The following TRPC1 variants were observed in gnomAD, a reference collection of about 807,000 sequenced individuals.
TRPC1 encodes the protein transient receptor potential cation channel subfamily C member 1, also known as short transient receptor potential channel 1.
A neutral mutation model predicts 88.2 loss-of-function variants in TRPC1; 42 were observed. The ratio of observed to expected loss-of-function variants is 0.48; its 90% CI spans 0.37 to 0.62. The LOEUF (loss-of-function observed/expected upper bound fraction) is 0.62, where lower values mean the gene tolerates loss of function less well. Among genes scored for constraint, TRPC1 ranks in the 20% least tolerant of loss-of-function variants. The pLI, the probability that TRPC1 is intolerant of heterozygous loss-of-function variation, is 0.00. For synonymous variants in TRPC1, 288 were observed against 331.8 expected, an observed-to-expected ratio of 0.87 and a Z score of 1.43; for missense variants, 699 against 957.3, an observed-to-expected ratio of 0.73 and a Z score of 3.56.
At chr3:142,790,542 T>TA (rs1936262694) in intron 7 of TRPC1, among the ~76,000 whole-genome samples, 1 of 152,198 alleles carries the variant, frequency 6.6e-6, no homozygotes, top group South Asian at 2.1e-4. Context: ...ATGTAGATGA[T>TA]ATTTAAAGCC....
intron 11 of TRPC1, 75 bp downstream of exon 11, chr3:142,804,253 AG>A (rs1936712744): frequency 2.4e-6 from 3 of 1,250,008 alleles, no homozygotes; most frequent in Non-Finnish European, 3.3e-6. Context: ...AGATAGCCAA[AG>A]ATTATAAGAT....
At chr3:142,758,117 C>G (rs1273335913) in intron 4 of TRPC1, among the ~76,000 whole-genome samples, 2 of 152,116 alleles carry the variant, frequency 1.3e-5, no homozygotes, top group Non-Finnish European at 2.9e-5. Flanking sequence ...AACACCCCCA[C>G]CACCCTCATA....
intron 7 of TRPC1, among the ~76,000 whole-genome samples, chr3:142,786,659 G>A (rs946656680): frequency 3.3e-5 from 5 of 152,238 alleles, no homozygotes; most frequent in African/African-American, 1.2e-4. Flanking sequence ...AAATATGTTT[G>A]TATTGCTAGT....
At chr3:142,785,515 T>C (rs1275281180) in intron 7 of TRPC1, among the ~76,000 whole-genome samples, 4 of 152,190 alleles carry the variant, frequency 2.6e-5, no homozygotes, top group African/African-American at 9.7e-5. Flanking sequence ...TGTTTTGTTT[T>C]GTTTGAGACA....
intron 12 of TRPC1, among the ~76,000 whole-genome samples, chr3:142,805,400 G>C (rs1223498621): frequency 4.6e-5 from 7 of 151,970 alleles, no homozygotes; most frequent in Admixed American, 2.0e-4. Flanking sequence ...TAAACCAGGG[G>C]TTGGGACATT....
In TRPC1 at chr3:142,792,791, T is replaced by C; in HGVS notation, c.1438-33T>C. 1 of 1,510,456 alleles carries C rather than the reference T, an allele frequency of 6.6e-7. No individual in the cohort carries two copies. Among genetic ancestry groups the C allele is most frequent in the Non-Finnish European group, 8.8e-7 (1 of 1,132,982 alleles). 93.6% of individuals were successfully genotyped at this position (1,510,456 alleles called of 1,614,324 possible). Reference sequence around the variant, plus strand: ...TTTATTTTCCTAAATTGAGAGAGCTTATTTACCTTTGGCTTTTTCTTCCTA... The same window carrying C: ...TTTATTTTCCTAAATTGAGAGAGCTCATTTACCTTTGGCTTTTTCTTCCTA... On this transcript the variant is annotated intron_variant, in intron 8 of 12. Coordinates refer to ENST00000476941, the MANE Select transcript of TRPC1 (RefSeq NM_001251845.2). The surrounding 1 kb of genome is among the most constrained non-coding windows in gnomAD (Gnocchi z 4.0).
Position 142,724,866 on chromosome 3 carries a change from A to G in TRPC1, c.172+135A>G. The G allele has an allele frequency of 9.1e-7, 1 of 1,097,232 alleles. No homozygotes were observed. Among genetic ancestry groups the G allele is most frequent in the Non-Finnish European group, 1.2e-6 (1 of 817,730 alleles). 68.0% of individuals were successfully genotyped at this position (1,097,232 alleles called of 1,614,324 possible). The stretch of plus-strand genomic sequence containing the variant: ...GTCTTCCCGCCTCGCCTGCTGCCTC[A>G]GGCGGTCTTCTCCTCACCGCCTCTG... On this transcript the variant is annotated intron_variant, in intron 1 of 12. Transcript: ENST00000476941. The surrounding 1 kb of genome is among the most constrained non-coding windows in gnomAD (Gnocchi z 5.6).
At chr3:142,796,226 A>G (rs1031038440) in intron 9 of TRPC1, among the ~76,000 whole-genome samples, 1 of 152,138 alleles carries the variant, frequency 6.6e-6, no homozygotes, top group African/African-American at 2.4e-5. Flanking sequence ...CTCCAGAGCC[A>G]GTGATCTTAA....
intron 4 of TRPC1, among the ~76,000 whole-genome samples, chr3:142,770,670 GTTA>G (rs1247692994): frequency 6.6e-6 from 1 of 152,122 alleles, no homozygotes; most frequent in Admixed American, 6.5e-5. Flanking sequence ...CACATTTAAT[GTTA>G]TTGATAGTTG....
intron 1 of TRPC1, among the ~76,000 whole-genome samples, chr3:142,725,483 A>C (rs1272731994): frequency 6.6e-6 from 1 of 152,174 alleles, no homozygotes; most frequent in Admixed American, 6.5e-5. Flanking sequence ...AATATGTGGA[A>C]TATATTTAGC....
chr3:142,801,859 CA>C (rs752925834), intron 9 of TRPC1, among the ~76,000 whole-genome samples: 1 of 152,076 alleles, frequency 6.6e-6, no homozygotes, highest in South Asian at 2.1e-4. Context: ...TTATCCCTTG[CA>C]AATTAGGCCT....
intron 11 of TRPC1, 72 bp downstream of exon 11, chr3:142,804,250 C>A: frequency 7.2e-7 from 1 of 1,389,656 alleles, no homozygotes; most frequent in Non-Finnish European, 1.0e-6. Context: ...ATAAGATAGC[C>A]AAAGATTATA....
chr3:142,724,715 G>T lies in TRPC1; in HGVS notation c.156G>T (p.Leu52Phe). The T allele has an allele frequency of 6.3e-7, 1 of 1,593,578 alleles. No individual in the cohort carries two copies. The highest frequency in any genetic ancestry group is 8.6e-7 in the Non-Finnish European group (1 of 1,167,426). ...EENTLNEKLFLLACDKGDYYM... is the reference protein window; with the variant it reads ...EENTLNEKLFFLACDKGDYYM... The stretch of plus-strand genomic sequence containing the variant: ...ATACGCTGAATGAGAAGCTTTTCTT[G>T]CTGGCGTGCGACAAGGGTGAGAGTT... The change falls in exon 1 of 13, where the codon TTG becomes TTT. Residue 52 changes from leucine (L) to phenylalanine (F), a missense_variant. Leu to Phe is a conservative substitution (Grantham distance 22). Coordinates refer to ENST00000476941, the MANE Select transcript of TRPC1 (RefSeq NM_001251845.2). This position sits in a 1 kb window ranked among gnomAD's most constrained non-coding sequence, Gnocchi z 5.6.
intron 6 of TRPC1, 61 bp from the exon 7 acceptor site, chr3:142,784,643 C>A: frequency 8.0e-7 from 1 of 1,242,906 alleles, no homozygotes; most frequent in Non-Finnish European, 1.1e-6. Context: ...ATCAACCAAT[C>A]AGTATTTAAA....
At chr3:142,740,795 G>A (rs1276505312) in intron 2 of TRPC1, among the ~76,000 whole-genome samples, 1 of 152,152 alleles carries the variant, frequency 6.6e-6, no homozygotes, top group African/African-American at 2.4e-5. Context: ...AAAGGAAGAA[G>A]AAAACGAGTG....
intron 9 of TRPC1, among the ~76,000 whole-genome samples, chr3:142,800,104 A>G (rs1163902858): frequency 6.6e-6 from 1 of 152,192 alleles, no homozygotes; most frequent in African/African-American, 2.4e-5. Context: ...CTGAGATGGT[A>G]TAGCTTTATT....
At chr3:142,786,174 C>T (rs564906315) in intron 7 of TRPC1, among the ~76,000 whole-genome samples, 2 of 152,112 alleles carry the variant, frequency 1.3e-5, no homozygotes, top group South Asian at 4.2e-4. Context: ...TCAGCACTTC[C>T]CATCTGTCCG....
At chr3:142,746,891 T>G (rs1334951049) in intron 3 of TRPC1, among the ~76,000 whole-genome samples, 1 of 150,998 alleles carries the variant, frequency 6.6e-6, no homozygotes, top group African/African-American at 2.4e-5. Context: ...TTTAGACCCA[T>G]AATTCTGCTG....
chr3:142,795,579 GA>G (rs200770318), intron 9 of TRPC1, among the ~76,000 whole-genome samples: 10 of 144,772 alleles, frequency 6.9e-5, no homozygotes, highest in South Asian at 6.8e-4. Flanking sequence ...AGCACTGAAA[GA>G]AAAAAAAAAC....
Sources: allele counts gnomAD v4.1 joint callset (sites outside exome capture counted in the v4.1 genomes callset), GRCh38; gene constraint gnomAD v4.1.1; non-coding constraint Gnocchi (gnomAD v3.1); transcripts MANE v1.5; gene names NCBI Gene and HGNC (gene_info 2026-07-23, HGNC 2026-07-21).